FIG4: variants seen among roughly 807,000 people sequenced by gnomAD.
The protein encoded by FIG4 is FIG4 phosphoinositide 5-phosphatase.
Under a neutral mutation model 118.6 loss-of-function variants are expected in FIG4, and 112 were observed. The ratio of observed to expected loss-of-function variants is 0.94; its 90% CI spans 0.81 to 1.11. The LOEUF is 1.11. FIG4 is among the 50% of genes least tolerant of loss of function. FIG4 has a pLI of 0.00. For synonymous variants in FIG4, 369 were observed against 381.2 expected (o/e 0.97, Z 0.37); for missense variants, 969 against 1,111.7 (o/e 0.87, Z 1.83).
chr6:109,729,570 G>A (rs1160866103), intron 4 of FIG4, among the ~76,000 whole-genome samples: 1 of 152,058 alleles, frequency 6.6e-6, no homozygotes, highest in East Asian at 1.9e-4. Context: ...TGGAAAATTT[G>A]AGAATATCTA....
At chr6:109,711,176 G>C (rs953790704) in intron 1 of FIG4, among the ~76,000 whole-genome samples, 1 of 152,058 alleles carries the variant, frequency 6.6e-6, no homozygotes. Flanking sequence ...GAGATGGGTG[G>C]ATCACAAGGT....
intron 10 of FIG4, among the ~76,000 whole-genome samples, chr6:109,751,842 T>TA (rs911311101): frequency 4.5e-4 from 69 of 151,726 alleles, no homozygotes; most frequent in Non-Finnish European, 8.0e-4. Flanking sequence ...TTTCTTTTTT[T>TA]TTATTATTAT....
chr6:109,786,229 A>T (rs1263767515), intron 17 of FIG4, 73 bp from the exon 18 acceptor site: 1 of 1,362,436 alleles, frequency 7.3e-7, no homozygotes, highest in East Asian at 2.3e-5. Context: ...GTCTGTGAAC[A>T]CAGTTAATAT....
chr6:109,758,577 G>T (rs1017245146), intron 10 of FIG4, among the ~76,000 whole-genome samples: 17 of 152,156 alleles, frequency 1.1e-4, no homozygotes, highest in Non-Finnish European at 2.2e-4. Context: ...AACACCAAAA[G>T]CAATGGCAAC....
chr6:109,722,622 A>G (rs1775645725), intron 3 of FIG4, among the ~76,000 whole-genome samples: 1 of 151,958 alleles, frequency 6.6e-6, no homozygotes, highest in East Asian at 1.9e-4. Context: ...ATATATATAT[A>G]TATATTTTAG....
Position 109,716,507 on chromosome 6 carries a change from A to G in FIG4, c.228A>G (p.Thr76=). ...GCCGCTTGGATCTTGGAAATAGAAC[A>G]AAGATGGGACAGAAAGGATCCTCGG... ...LLGRLDLGNR[T]KMGQKGSSGL... The change falls in exon 3 of 23, where the codon ACA becomes ACG. Residue 76 remains threonine (T), a synonymous_variant. Coordinates refer to ENST00000230124, the MANE Select transcript of FIG4 (RefSeq NM_014845.6). 2 of 1,613,978 alleles carry G rather than the reference A, an allele frequency of 1.2e-6. No individual in the cohort carries two copies. The highest frequency in any genetic ancestry group is 1.7e-6 in the Non-Finnish European group (2 of 1,179,886).
intron 10 of FIG4, among the ~76,000 whole-genome samples, chr6:109,753,169 C>T (rs1335508863): frequency 1.3e-5 from 2 of 152,010 alleles, no homozygotes; most frequent in African/African-American, 4.8e-5. Context: ...TGTTATTTCT[C>T]CCATCCAAGT....
chr6:109,703,332 C>A (rs1420536803), intron 1 of FIG4, among the ~76,000 whole-genome samples: 2 of 151,770 alleles, frequency 1.3e-5, no homozygotes, highest in Non-Finnish European at 2.9e-5. Flanking sequence ...GTGCTAACTT[C>A]TTTTTGTGCT....
intron 22 of FIG4, among the ~76,000 whole-genome samples, chr6:109,808,644 T>C (rs1249647409): frequency 2.0e-5 from 3 of 152,160 alleles, no homozygotes; most frequent in African/African-American, 4.8e-5. Context: ...CAAACACCAA[T>C]TGAAATAATG....
chr6:109,753,841 T>G (rs1442535031), intron 10 of FIG4, among the ~76,000 whole-genome samples: 2 of 152,232 alleles, frequency 1.3e-5, no homozygotes, highest in Non-Finnish European at 2.9e-5. Context: ...GATTTTGAGC[T>G]GAGACAATAG....
chr6:109,823,267 CAA>C (rs1435222014), intron 22 of FIG4, among the ~76,000 whole-genome samples: 2 of 152,072 alleles, frequency 1.3e-5, no homozygotes, highest in Non-Finnish European at 2.9e-5. Flanking sequence ...TCTCTATAAC[CAA>C]AATGTCACTG....
chr6:109,753,455 A>G (rs1452497809), intron 10 of FIG4, among the ~76,000 whole-genome samples: 2 of 151,924 alleles, frequency 1.3e-5, no homozygotes, highest in Non-Finnish European at 2.9e-5. Flanking sequence ...TGAACTTTAA[A>G]GTAGTTTTTT....
In FIG4 at chr6:109,696,463, C is replaced by T. The variant is rs555801744; in HGVS notation, c.66+4962C>T. 7.2e-5 allele frequency among the ~76,000 whole-genome samples: 11 copies of T among 152,222 alleles called. 1 individual carries two copies. In the South Asian group the frequency reaches 1.2e-3, roughly 17 times the overall value. On this transcript the variant is annotated intron_variant, in intron 1 of 22. Coordinates refer to ENST00000230124, the MANE Select transcript of FIG4 (RefSeq NM_014845.6). ...TCCATGTTTATTGTAGCACTATTCA[C>T]GATAGCTAAGATGTGGAATCAGCCT...
chr6:109,707,960 A>C (rs1322159993), intron 1 of FIG4, among the ~76,000 whole-genome samples: 3 of 149,668 alleles, frequency 2.0e-5, no homozygotes, highest in Admixed American at 1.3e-4. Context: ...ATATTTTTCT[A>C]CATTTTGATT....
At chr6:109,771,461 C>CTTTTTTTTTT (rs71018367) in intron 15 of FIG4, among the ~76,000 whole-genome samples, 8 of 86,002 alleles carry the variant, frequency 9.3e-5, no homozygotes, top group South Asian at 5.1e-4. Context: ...TCCTCTAATT[C>CTTTTTTTTTT]TTTTTTTTTT....
At chr6:109,795,854 G>C (rs1295576869) in intron 21 of FIG4, among the ~76,000 whole-genome samples, 1 of 152,024 alleles carries the variant, frequency 6.6e-6, no homozygotes, top group Admixed American at 6.6e-5. Context: ...GCCTGCCTCG[G>C]CCTCCCAAAG....
rs1778078188 is a variant in FIG4, at chr6:109,789,521, G to GA, written c.2097-71dup. On this transcript the variant is annotated intron_variant, in intron 18 of 22. Transcript: ENST00000230124. Reference sequence around the variant, plus strand: ...TTAAGAAGGAATATTGTAAGAGTGTGAACTGAGATGGAAGCCAATATCATC... The same window carrying GA: ...TTAAGAAGGAATATTGTAAGAGTGTGAAACTGAGATGGAAGCCAATATCATC... 40 of 1,064,400 alleles carry GA rather than the reference G, an allele frequency of 3.8e-5. No homozygotes were observed. In the South Asian group the frequency reaches 5.0e-4, roughly 13 times the overall value. The allele number at this position is 1,064,400 out of a possible 1,614,324, so 65.9% of individuals were successfully genotyped here.
At chr6:109,756,188 A>T (rs540143028) in intron 10 of FIG4, among the ~76,000 whole-genome samples, 1 of 149,446 alleles carries the variant, frequency 6.7e-6, no homozygotes, top group African/African-American at 2.5e-5. Flanking sequence ...TTTCTCCTTT[A>T]CTTATGAAGC....
chr6:109,735,524 C>T (rs973787461), intron 6 of FIG4, among the ~76,000 whole-genome samples: 1 of 152,086 alleles, frequency 6.6e-6, no homozygotes, highest in Non-Finnish European at 1.5e-5. Flanking sequence ...CTGACATTTT[C>T]TAGCAATTAT....
Sources: gnomAD v4.1 joint callset for allele counts (sites outside exome capture counted in the v4.1 genomes callset) on GRCh38, gnomAD v4.1.1 for gene constraint, MANE v1.5 for transcripts, NCBI Gene and HGNC (gene_info 2026-07-23, HGNC 2026-07-21) for gene names.